PDE4D: variants seen among roughly 807,000 people sequenced by gnomAD.
The protein encoded by PDE4D is 3',5'-cyclic-AMP phosphodiesterase 4D.
Under a neutral mutation model 87.4 loss-of-function variants are expected in PDE4D, and 24 were observed. The observed-to-expected ratio is 0.27, with a 90% CI of 0.20 to 0.39. PDE4D has a LOEUF of 0.39. Among genes scored for constraint, PDE4D ranks in the 10% least tolerant of loss-of-function variants. The pLI, the probability that PDE4D is intolerant of heterozygous loss-of-function variation, is 1.00. For missense variants in PDE4D, 714 were observed against 1,041.0 expected, an observed-to-expected ratio of 0.69 and a Z score of 4.32; for synonymous variants, 384 against 383.2, an observed-to-expected ratio of 1.00 and a Z score of -0.02.
intron 1 of PDE4D, among the ~76,000 whole-genome samples, chr5:60,517,572 C>G (rs1750857339): frequency 6.6e-6 from 1 of 152,200 alleles, no homozygotes; most frequent in Non-Finnish European, 1.5e-5. Flanking sequence ...GAGCTACCCA[C>G]TGTAGGTCTT....
rs374250925 is a variant in PDE4D at position 60,164,374 on chromosome 5, G to A, written c.42+21183C>T. ...AAATAGAAATTTTCCAGAAGTCTAA[G>A]TGGAATACTCCTTATGTTGCAAAAA... On this transcript the variant is annotated intron_variant, in intron 2 of 16. Coordinates refer to the PDE4D transcript ENST00000502484. 5.7e-4 allele frequency among the ~76,000 whole-genome samples: 87 copies of A among 152,238 alleles called. 1 individual carries two copies. The highest frequency in any genetic ancestry group is 7.9e-4 in the African/African-American group (33 of 41,572).
intron 1 of PDE4D, among the ~76,000 whole-genome samples, chr5:59,527,738 A>G (rs1813415762): frequency 6.6e-6 from 1 of 152,206 alleles, no homozygotes; most frequent in Non-Finnish European, 1.5e-5. Flanking sequence ...GGGCTTGTCC[A>G]TAATTTTATT....
intron 1 of PDE4D, among the ~76,000 whole-genome samples, chr5:59,734,458 C>G (rs1757806220): frequency 6.6e-6 from 1 of 152,100 alleles, no homozygotes; most frequent in Non-Finnish European, 1.5e-5. Context: ...TGCTGCATTG[C>G]TGAGACAAGC....
chr5:59,843,890 C>T (rs955106830), intron 1 of PDE4D, among the ~76,000 whole-genome samples: 3 of 152,064 alleles, frequency 2.0e-5, no homozygotes, highest in Non-Finnish European at 4.4e-5. Flanking sequence ...TTGCTCCCCT[C>T]AATTTTTAGA....
At chr5:59,658,628 G>A (rs1255773733) in intron 1 of PDE4D, among the ~76,000 whole-genome samples, 1 of 152,146 alleles carries the variant, frequency 6.6e-6, no homozygotes, top group East Asian at 1.9e-4. Context: ...TGATCCGCCT[G>A]CCTCGGCCTC....
intron 5 of PDE4D, among the ~76,000 whole-genome samples, chr5:59,041,815 A>G (rs1468156690): frequency 6.6e-6 from 1 of 152,222 alleles, no homozygotes; most frequent in East Asian, 1.9e-4. Context: ...TCCACACATT[A>G]TATTTCAGTT....
At chr5:60,162,319 G>A (rs926829737) in intron 2 of PDE4D, among the ~76,000 whole-genome samples, 2 of 152,028 alleles carry the variant, frequency 1.3e-5, no homozygotes, top group Admixed American at 6.6e-5. Flanking sequence ...CATGTTTCTT[G>A]GCAATGTTGT....
At chr5:59,464,327 G>A (rs1344901750) in intron 1 of PDE4D, among the ~76,000 whole-genome samples, 4 of 152,222 alleles carry the variant, frequency 2.6e-5, no homozygotes, top group Non-Finnish European at 2.9e-5. Flanking sequence ...TATAAAACCC[G>A]ATTGTACGTT....
chr5:59,185,565 A>C (rs537512397), intron 3 of PDE4D, among the ~76,000 whole-genome samples: 2 of 152,302 alleles, frequency 1.3e-5, no homozygotes, highest in Middle Eastern at 6.8e-3. Flanking sequence ...CACAGATAAC[A>C]TGATTGCATT....
chr5:60,396,287 A>G (rs950004916), intron 1 of PDE4D, among the ~76,000 whole-genome samples: 1 of 152,212 alleles, frequency 6.6e-6, no homozygotes, highest in Non-Finnish European at 1.5e-5. Flanking sequence ...AGGAGTAAAA[A>G]TAAGAAAAGC....
chr5:60,409,339 A>G (rs549222862), intron 1 of PDE4D, among the ~76,000 whole-genome samples: 50 of 152,184 alleles, frequency 3.3e-4, no homozygotes, highest in African/African-American at 9.4e-4. Context: ...ATGTTCCAGG[A>G]GCAGAAAGTC....
At chr5:60,111,811 C>T (rs1777719001) in intron 2 of PDE4D, among the ~76,000 whole-genome samples, 1 of 151,608 alleles carries the variant, frequency 6.6e-6, no homozygotes, top group African/African-American at 2.4e-5. Context: ...ACAATAAAAA[C>T]CTAAAGTTAA....
chr5:59,570,842 GA>G (rs1821715271), intron 1 of PDE4D, among the ~76,000 whole-genome samples: 1 of 152,022 alleles, frequency 6.6e-6, no homozygotes, highest in Non-Finnish European at 1.5e-5. Context: ...TAGAAGAGGG[GA>G]AAAACACATT....
intron 2 of PDE4D, among the ~76,000 whole-genome samples, chr5:60,019,745 G>A (rs2152851576): frequency 6.6e-6 from 1 of 152,238 alleles, no homozygotes; most frequent in Non-Finnish European, 1.5e-5. Flanking sequence ...TGGCTGGTTT[G>A]AACCTTCTGT....
chr5:59,087,310 C>A (rs1445496130), intron 5 of PDE4D, among the ~76,000 whole-genome samples: 1 of 152,008 alleles, frequency 6.6e-6, no homozygotes, highest in African/African-American at 2.4e-5. Context: ...CATAGGGAGA[C>A]CTTGTCTCTA....
chr5:60,171,020 ACTAT>A (rs1030065486), intron 2 of PDE4D, among the ~76,000 whole-genome samples: 1 of 152,034 alleles, frequency 6.6e-6, no homozygotes, highest in Non-Finnish European at 1.5e-5. Context: ...AAATAAAGAA[ACTAT>A]CTTCTAGATA....
intron 1 of PDE4D, among the ~76,000 whole-genome samples, chr5:60,390,249 G>A (rs1762472398): frequency 1.3e-5 from 2 of 152,220 alleles, no homozygotes; most frequent in South Asian, 4.1e-4. Context: ...TAGGGGGATA[G>A]TGGTGGTGAC....
At chr5:60,405,470 A>G (rs1473019814) in intron 1 of PDE4D, among the ~76,000 whole-genome samples, 1 of 152,230 alleles carries the variant, frequency 6.6e-6, no homozygotes, top group Non-Finnish European at 1.5e-5. Context: ...ATGAAGGACA[A>G]TGAGGTCACT....
intron 1 of PDE4D, among the ~76,000 whole-genome samples, chr5:60,327,955 A>G (rs564078943): frequency 6.6e-6 from 1 of 152,306 alleles, no homozygotes; most frequent in Admixed American, 6.5e-5. Flanking sequence ...TTCTACAAAT[A>G]TAATTTTTAA....
Sources: allele counts gnomAD v4.1 joint callset (sites outside exome capture counted in the v4.1 genomes callset), GRCh38; gene constraint gnomAD v4.1.1; transcripts MANE v1.5; gene names NCBI Gene and HGNC (gene_info 2026-07-23, HGNC 2026-07-21).